Variants in NCAM1 observed in about 807,000 individuals in gnomAD.
NCAM1 encodes the protein neural cell adhesion molecule 1.
NCAM1 carries 14 observed loss-of-function variants against 109.8 expected under a neutral mutation model. The ratio of observed to expected loss-of-function variants is 0.13; its 90% CI spans 0.08 to 0.20. The LOEUF is 0.20. NCAM1 is among the 10% of genes least tolerant of loss of function. The pLI is 1.00. For synonymous variants in NCAM1, 418 were observed against 442.9 expected, an observed-to-expected ratio of 0.94 and a Z score of 0.70; for missense variants, 774 against 1,109.9, an observed-to-expected ratio of 0.70 and a Z score of 4.30.
At chr11:113,170,095 C>A (rs185189008) in intron 1 of NCAM1, among the ~76,000 whole-genome samples, 4 of 152,202 alleles carry the variant, frequency 2.6e-5, no homozygotes, top group Admixed American at 2.0e-4. Flanking sequence ...CTTTTCAAAT[C>A]GTTTGACAAT....
chr11:113,106,069 T>C (rs1276778416), intron 1 of NCAM1, among the ~76,000 whole-genome samples: 2 of 152,212 alleles, frequency 1.3e-5, no homozygotes, highest in Non-Finnish European at 2.9e-5. Flanking sequence ...TTTATTTGAC[T>C]AATTGGTATA....
At chr11:113,151,460 A>G (rs1591369246) in intron 1 of NCAM1, among the ~76,000 whole-genome samples, 1 of 152,338 alleles carries the variant, frequency 6.6e-6, no homozygotes, top group East Asian at 1.9e-4. Context: ...GAAAATGACT[A>G]GTCAATTAGA....
intron 1 of NCAM1, among the ~76,000 whole-genome samples, chr11:113,164,349 C>A (rs930492038): frequency 6.6e-6 from 1 of 152,164 alleles, no homozygotes; most frequent in Admixed American, 6.5e-5. Context: ...CAGTGAACAC[C>A]AACAAGGTGT....
rs782288400 is a variant in NCAM1, at chr11:113,260,276, C to T, written c.2084C>T (p.Ala695Val). The change falls in exon 17 of 20, where the codon GCG (alanine) becomes GTG (valine). Residue 695 changes from alanine to valine, a missense_variant. Ala to Val is a moderately conservative substitution (Grantham distance 64, BLOSUM62 0). This residue lies in a region of NCAM1 where 523 missense variants were observed against 784.2 expected (regional missense o/e 0.67). Coordinates refer to ENST00000316851, the MANE Select transcript of NCAM1 (RefSeq NM_181351.5). ...GAGAACCAGCAAGGAAAATCCAAGG[C>T]GGCTCATTTTGTGTTCAGGACCTCG... ...VAENQQGKSK[A>V]AHFVFRTSAQ... 5.0e-6 allele frequency: 8 copies of T among 1,613,830 alleles called. No homozygotes were observed. Among genetic ancestry groups the T allele is most frequent in the South Asian group, 2.2e-5 (2 of 91,084 alleles).
At chr11:113,133,979 T>A (rs891088616) in intron 1 of NCAM1, 1 of 151,990 alleles carries the variant, frequency 6.6e-6, no homozygotes, top group African/African-American at 2.4e-5. Context: ...CTTTGCCTAT[T>A]TTCGGTGGCA....
intron 1 of NCAM1, among the ~76,000 whole-genome samples, chr11:113,128,906 G>GGGGTGTGT: frequency 1.2e-5 from 1 of 84,836 alleles, no homozygotes; most frequent in East Asian, 2.3e-4. Context: ...AAGTTGTGAG[G>GGGGTGTGT]GTGTGTGTGT....
chr11:113,137,665 A>G (rs1941650414), intron 1 of NCAM1, among the ~76,000 whole-genome samples: 1 of 152,226 alleles, frequency 6.6e-6, no homozygotes, highest in Non-Finnish European at 1.5e-5. Flanking sequence ...CAATTTACAG[A>G]ATTCATTATG....
intron 1 of NCAM1, among the ~76,000 whole-genome samples, chr11:113,177,865 G>T (rs1397568475): frequency 2.0e-5 from 3 of 151,990 alleles, no homozygotes; most frequent in African/African-American, 7.3e-5. Flanking sequence ...TTTCCTCTTT[G>T]TCGCTCTTGC....
At chr11:113,096,999 C>A (rs543567907) in intron 1 of NCAM1, among the ~76,000 whole-genome samples, 3 of 152,134 alleles carry the variant, frequency 2.0e-5, no homozygotes, top group African/African-American at 7.2e-5. Flanking sequence ...TTTGTTGAAC[C>A]CCCCCTGCCC....
rs1488691611 is a variant in NCAM1 at position 113,260,047 on chromosome 11, T to C, written c.1954-99T>C. ...TTTCATGATTTCATGCCAAAAGTTATTGAGTCCCGTAAGTTTTGCCTATTG... is the reference window on the plus strand; with the variant it reads ...TTTCATGATTTCATGCCAAAAGTTACTGAGTCCCGTAAGTTTTGCCTATTG... On this transcript the variant is annotated intron_variant, in intron 16 of 19. Transcript: ENST00000316851. The C allele has an allele frequency of 3.7e-6, 4 of 1,071,334 alleles. No individual in the cohort carries two copies. The South Asian group carries it at 5.2e-5, about 14-fold the overall frequency. The allele number at this position is 1,071,334 out of a possible 1,614,324, so 66.4% of individuals were successfully genotyped here.
chr11:113,235,175 C>G lies in NCAM1; in HGVS notation c.1825+11C>G, dbSNP rs782035450. On this transcript the variant is annotated intron_variant, in intron 14 of 19. Coordinates refer to ENST00000316851, the MANE Select transcript of NCAM1 (RefSeq NM_181351.5). ...AGACGCAGCCAGTCCGTAAGTAAAG[C>G]CAGCTGCCCCCCTTTTCCCAGCCCA... 20 of 1,613,796 alleles carry G rather than the reference C, an allele frequency of 1.2e-5. No individual in the cohort carries two copies. The highest frequency in any genetic ancestry group is 1.7e-5 in the Non-Finnish European group (20 of 1,179,848).
chr11:113,119,101 G>A lies in NCAM1; in HGVS notation c.53-83278G>A, dbSNP rs1401749589. On this transcript the variant is annotated intron_variant, in intron 1 of 19. Coordinates refer to ENST00000316851, the MANE Select transcript of NCAM1 (RefSeq NM_181351.5). ...CAAAGCAAAAGAGGGGAATGGGGAG[G>A]AAGGATAAAAAAGGATATAAAAGGA... Among the ~76,000 whole-genome samples, 5 of 151,410 alleles carry A rather than the reference G, an allele frequency of 3.3e-5. No homozygotes were observed. In the East Asian group the frequency reaches 9.6e-4, roughly 29 times the overall value.
chr11:112,979,529 T>G (rs1951095560), intron 1 of NCAM1, among the ~76,000 whole-genome samples: 2 of 151,818 alleles, frequency 1.3e-5, no homozygotes, highest in African/African-American at 4.8e-5. Flanking sequence ...AAGAAACTGG[T>G]TAACATCAGG....
intron 1 of NCAM1, among the ~76,000 whole-genome samples, chr11:113,185,072 A>ATT (rs1347536566): frequency 6.4e-4 from 87 of 135,224 alleles, no homozygotes; most frequent in African/African-American, 2.4e-3. Flanking sequence ...TTATATTTAT[A>ATT]TATATATAGA....
chr11:113,173,529 C>T (rs1467285084), intron 1 of NCAM1, among the ~76,000 whole-genome samples: 2 of 148,764 alleles, frequency 1.3e-5, no homozygotes, highest in African/African-American at 4.9e-5. Flanking sequence ...AGATGTTTTT[C>T]AGGCTTGTGA....
intron 1 of NCAM1, among the ~76,000 whole-genome samples, chr11:113,173,615 T>TATAAA (rs1943058614): frequency 7.0e-6 from 1 of 142,420 alleles, no homozygotes; most frequent in Non-Finnish European, 1.5e-5. Context: ...TATATATATA[T>TATAAA]ATATATATAT....
rs1299306738 is a variant in NCAM1 at position 113,277,443 on chromosome 11, C to G, written c.*2056C>G. 5.0e-6 allele frequency: 2 copies of G among 398,904 alleles called. No homozygotes were observed. The highest frequency in any genetic ancestry group is 4.1e-5 in the African/African-American group (2 of 48,596). 24.7% of individuals were successfully genotyped at this position (398,904 alleles called of 1,614,324 possible). On this transcript the variant is annotated 3_prime_UTR_variant, in exon 20 of 20. Transcript: ENST00000316851. ...GATCTCTGGTTCAAATGCACAGGCCCTCAGAATAGAGGAACATGAAGAGAG... is the reference window on the plus strand; with the variant it reads ...GATCTCTGGTTCAAATGCACAGGCCGTCAGAATAGAGGAACATGAAGAGAG...
rs1946290964 is a variant in NCAM1 at position 113,271,942 on chromosome 11, C to T, written c.2456+66C>T. 6.0e-6 allele frequency: 7 copies of T among 1,174,300 alleles called. No homozygotes were observed. In the East Asian group the frequency reaches 1.8e-4, roughly 30 times the overall value. The allele number at this position is 1,174,300 out of a possible 1,614,324, so 72.7% of individuals were successfully genotyped here. A position where few individuals can be genotyped will look rare whatever the true frequency, so the allele number is the denominator to read the frequency against. On this transcript the variant is annotated intron_variant, in intron 19 of 19. Coordinates refer to ENST00000316851, the MANE Select transcript of NCAM1 (RefSeq NM_181351.5). The stretch of plus-strand genomic sequence containing the variant: ...CCCCCACACCCACCTCCCCACCCTA[C>T]CCCCACCTCCCGTGCCCCTACCCAC...
At chr11:113,116,654 A>AGTTG in intron 1 of NCAM1, among the ~76,000 whole-genome samples, 2 of 152,100 alleles carry the variant, frequency 1.3e-5, no homozygotes, top group African/African-American at 4.8e-5. Context: ...TTCAAAGAGC[A>AGTTG]AGACTGATCA....
Sources: allele counts gnomAD v4.1 joint callset (sites outside exome capture counted in the v4.1 genomes callset), GRCh38; gene constraint gnomAD v4.1.1; regional missense constraint gnomAD v4.1.1; transcripts MANE v1.5; gene names NCBI Gene and HGNC (gene_info 2026-07-23, HGNC 2026-07-21).